The following HNRNPR variants were observed in gnomAD, a reference collection of about 807,000 sequenced individuals.
HNRNPR encodes heterogeneous nuclear ribonucleoprotein R.
A neutral mutation model predicts 70.3 loss-of-function variants in HNRNPR; 4 were observed. The observed-to-expected ratio is 0.06, with a 90% CI of 0.03 to 0.13. HNRNPR has a LOEUF of 0.13. Among genes scored for constraint, HNRNPR ranks in the 10% least tolerant of loss-of-function variants. HNRNPR has a pLI of 1.00. For missense variants in HNRNPR, 423 were observed against 788.5 expected (o/e 0.54, Z 5.55); for synonymous variants, 241 against 267.6 (o/e 0.90, Z 0.97).
At chr1:23,342,118 A>C (rs913164238) in intron 1 of HNRNPR, among the ~76,000 whole-genome samples, 6 of 152,230 alleles carry the variant, frequency 3.9e-5, no homozygotes, top group African/African-American at 1.2e-4. Flanking sequence ...TTCTTGATGA[A>C]ACTCAAGATA....
At chr1:23,326,875 C>G (rs2148409493) in intron 5 of HNRNPR, among the ~76,000 whole-genome samples, 1 of 152,328 alleles carries the variant, frequency 6.6e-6, no homozygotes, top group South Asian at 2.1e-4. Context: ...CTACCACCGT[C>G]AAAACCTTTT....
At chr1:23,314,656 T>C (rs1047512119) in intron 8 of HNRNPR, among the ~76,000 whole-genome samples, 11 of 152,204 alleles carry the variant, frequency 7.2e-5, no homozygotes, top group African/African-American at 2.7e-4. Flanking sequence ...AGACATTTGT[T>C]ATCAGGCTGG....
rs189806424 is a variant in HNRNPR at position 23,339,111 on chromosome 1, G to A, written c.158-503C>T. Among the ~76,000 whole-genome samples, 17 of 152,334 alleles carry A rather than the reference G, an allele frequency of 1.1e-4. No homozygotes were observed. The South Asian group carries it at 2.7e-3, about 24-fold the overall frequency. ...TAATTCTTTCCACTCTCCAAAAAGT[G>A]TCAAAAGGCTTTCCCTCCTGAACAC... On this transcript the variant is annotated intron_variant, in intron 2 of 10. Coordinates refer to ENST00000302271, the MANE Select transcript of HNRNPR (RefSeq NM_005826.5).
rs1016610060 is a variant in HNRNPR, at chr1:23,337,179, G to A, written c.384+575C>T. ...ATAACTGAACCAAGAGACATTACTG[G>A]ATCAATCCAAGAAACTACCAGCGAA... On this transcript the variant is annotated intron_variant, in intron 4 of 10. Transcript: ENST00000302271. 3.9e-5 allele frequency among the ~76,000 whole-genome samples: 6 copies of A among 152,232 alleles called. No individual in the cohort carries two copies. The East Asian group carries it at 1.2e-3, about 29-fold the overall frequency.
rs1188619384 is a variant in HNRNPR at position 23,306,265 on chromosome 1, GT to G, written c.*4188del. 6.6e-6 allele frequency: 1 copy of G among 151,808 alleles called. No homozygotes were observed. The highest frequency in any genetic ancestry group is 2.4e-5 in the African/African-American group (1 of 41,260). 9.4% of individuals were successfully genotyped at this position (151,808 alleles called of 1,614,324 possible). Reference sequence around the variant, plus strand: ...AAAAGTAAGTGAAGTGTTATTATATGTTCCTATTAAGAACAAAATAATTTAA... The same window carrying G: ...AAAAGTAAGTGAAGTGTTATTATATGTCCTATTAAGAACAAAATAATTTAA... On this transcript the variant is annotated 3_prime_UTR_variant, in exon 11 of 11. Coordinates refer to ENST00000302271, the MANE Select transcript of HNRNPR (RefSeq NM_005826.5).
rs1252358348 is a variant in HNRNPR, at chr1:23,318,503, C to G, written c.997G>C (p.Asp333His). The G allele has an allele frequency of 6.2e-7, 1 of 1,614,058 alleles. No homozygotes were observed. The highest frequency in any genetic ancestry group is 1.3e-5 in the African/African-American group (1 of 74,932). Residue 333 changes from aspartate to histidine, a missense_variant, in exon 8 of 11, where the codon GAT (aspartate) becomes CAT (histidine). Physicochemically the swap from Asp to His is moderately conservative, Grantham distance 81. Coordinates refer to ENST00000302271, the MANE Select transcript of HNRNPR (RefSeq NM_005826.5). This position sits in a 1 kb window ranked among gnomAD's most constrained non-coding sequence, Gnocchi z 4.2. ...VEWADPVEEP[D>H]PEVMAKVKVL... ...TTTACCTTAGCCATGACTTCTGGAT[C>G]TGGTTCTTCCACAGGGTCAGCCCAT...
At position 23,311,193 on chromosome 1, in the gene HNRNPR, A is replaced by C. The variant is rs112876897; in HGVS notation, c.1289+8T>G. ...TCCAAAGATATATCTACTAAAATGTAGACTCACGCAGTGCTTCTGGAGGCC... is the reference window on the plus strand; with the variant it reads ...TCCAAAGATATATCTACTAAAATGTCGACTCACGCAGTGCTTCTGGAGGCC... On this transcript the variant is annotated splice_region_variant and intron_variant, in intron 10 of 10. Coordinates refer to ENST00000302271, the MANE Select transcript of HNRNPR (RefSeq NM_005826.5). 2 of 1,613,440 alleles carry C rather than the reference A, an allele frequency of 1.2e-6. No homozygotes were observed. The highest frequency in any genetic ancestry group is 2.2e-5 in the South Asian group (2 of 90,916).
At chr1:23,333,848 C>G (rs2148453952) in intron 4 of HNRNPR, among the ~76,000 whole-genome samples, 1 of 152,266 alleles carries the variant, frequency 6.6e-6, no homozygotes, top group East Asian at 1.9e-4. Flanking sequence ...AAAATTAGCA[C>G]AAGTCTTACC....
At position 23,340,993 on chromosome 1, in the gene HNRNPR, T is replaced by TCAC; in HGVS notation, c.13_15dup (p.Val5dup). ...TCTTTTAACTGTACCGCATTACCATTCACCTGATTAGCCATTTTATTATGC... is the reference window on the plus strand; with the variant it reads ...TCTTTTAACTGTACCGCATTACCATTCACCACCTGATTAGCCATTTTATTATGC... On this transcript the variant is annotated inframe_insertion, in exon 2 of 11. Transcript: ENST00000302271. The TCAC allele has an allele frequency of 6.2e-7, 1 of 1,607,988 alleles. No individual in the cohort carries two copies. Among genetic ancestry groups the TCAC allele is most frequent in the South Asian group, 1.1e-5 (1 of 89,454 alleles).
At chr1:23,324,855 T>C (rs1367856206) in intron 5 of HNRNPR, among the ~76,000 whole-genome samples, 1 of 151,858 alleles carries the variant, frequency 6.6e-6, no homozygotes, top group Non-Finnish European at 1.5e-5. Flanking sequence ...AAATGTTTTA[T>C]GTTGGCCGGG....
At chr1:23,337,511 G>T (rs1335256518) in intron 4 of HNRNPR, among the ~76,000 whole-genome samples, 1 of 152,070 alleles carries the variant, frequency 6.6e-6, no homozygotes, top group Non-Finnish European at 1.5e-5. Context: ...CAAATAATTA[G>T]CTGGGTGTGG....
At chr1:23,337,677 T>C in intron 4 of HNRNPR, 77 bp downstream of exon 4, 3 of 909,762 alleles carry the variant, frequency 3.3e-6, no homozygotes, top group Non-Finnish European at 5.1e-6. Context: ...AGTGAAACTT[T>C]CTAGGAAACA....
rs900344812 is a variant in HNRNPR, at chr1:23,307,250, T to C, written c.*3204A>G. Reference sequence around the variant, plus strand: ...TAATAAAACGTAGGTATGATTATATTCAAATGGGCAGGAGGCAAATGATGT... The same window carrying C: ...TAATAAAACGTAGGTATGATTATATCCAAATGGGCAGGAGGCAAATGATGT... On this transcript the variant is annotated 3_prime_UTR_variant, in exon 11 of 11. Transcript: ENST00000302271. The C allele has an allele frequency of 6.6e-6, 1 of 152,150 alleles. No individual in the cohort carries two copies. Among genetic ancestry groups the C allele is most frequent in the African/African-American group, 2.4e-5 (1 of 41,450 alleles). 9.4% of individuals were successfully genotyped at this position (152,150 alleles called of 1,614,324 possible).
rs58123581 is a variant in HNRNPR, at chr1:23,321,163, C to CAAAAAAAAAAAAAAAAAAAAAAAAAAAAA, written c.811+364_811+365insTTTTTTTTTTTTTTTTTTTTTTTTTTTTT. Among the ~76,000 whole-genome samples, 39 of 98,126 alleles carry CAAAAAAAAAAAAAAAAAAAAAAAAAAAAA rather than the reference C, an allele frequency of 4.0e-4. 1 individual carries two copies. Among genetic ancestry groups the CAAAAAAAAAAAAAAAAAAAAAAAAAAAAA allele is most frequent in the African/African-American group, 1.8e-3 (39 of 22,090 alleles). 64.4% of individuals were successfully genotyped at this position (98,126 alleles called of 152,430 possible). ...AGGCAACAAGAGCGAAACTCCGTCT[C>CAAAAAAAAAAAAAAAAAAAAAAAAAAAAA]AAAAAAAAAAAAAATCTGATCTAGA... On this transcript the variant is annotated intron_variant, in intron 7 of 10. Coordinates refer to ENST00000302271, the MANE Select transcript of HNRNPR (RefSeq NM_005826.5).
At chr1:23,341,077 C>A (rs934974051) in intron 1 of HNRNPR, 60 bp from the exon 2 acceptor site, 1 of 1,275,134 alleles carries the variant, frequency 7.8e-7, no homozygotes, top group Non-Finnish European at 1.1e-6. Flanking sequence ...GTTTGTAGGA[C>A]AATGCATGAT....
chr1:23,312,869 C>G (rs763760818), intron 9 of HNRNPR, among the ~76,000 whole-genome samples: 38 of 152,110 alleles, frequency 2.5e-4, no homozygotes, highest in African/African-American at 3.4e-4. Context: ...TCCCACCCCC[C>G]CAAGGAAGGA....
chr1:23,321,358 A>G (rs1159468625), intron 7 of HNRNPR, among the ~76,000 whole-genome samples, 170 bp downstream of exon 7: 4 of 152,228 alleles, frequency 2.6e-5, no homozygotes, highest in African/African-American at 7.2e-5. Flanking sequence ...AATGAAGGAT[A>G]TAAGGGAACT....
rs552879516 is a variant in HNRNPR, at chr1:23,318,297, T to C, written c.1017+186A>G. Among the ~76,000 whole-genome samples the C allele has an allele frequency of 2.0e-5, 3 of 152,290 alleles. No homozygotes were observed. Among genetic ancestry groups the C allele is most frequent in the African/African-American group, 4.8e-5 (2 of 41,572 alleles). On this transcript the variant is annotated intron_variant, in intron 8 of 10. Transcript: ENST00000302271. This position sits in a 1 kb window ranked among gnomAD's most constrained non-coding sequence, Gnocchi z 4.2. Reference sequence around the variant, plus strand: ...CACATTTAATCTGCAGGAAAAGGGATTGTTAATGGAAATTCCTGGATACCA... The same window carrying C: ...CACATTTAATCTGCAGGAAAAGGGACTGTTAATGGAAATTCCTGGATACCA...
chr1:23,315,495 G>A (rs1004538411), intron 8 of HNRNPR, among the ~76,000 whole-genome samples: 3 of 152,068 alleles, frequency 2.0e-5, no homozygotes, highest in Admixed American at 1.3e-4. Flanking sequence ...AGGTAGATCA[G>A]TGGATATGGT....
Sources: gnomAD v4.1 joint callset for allele counts (sites outside exome capture counted in the v4.1 genomes callset) on GRCh38, gnomAD v4.1.1 for gene constraint, Gnocchi (gnomAD v3.1) non-coding constraint, MANE v1.5 for transcripts, NCBI Gene and HGNC (gene_info 2026-07-23, HGNC 2026-07-21) for gene names.